Variants in FAF1 observed in about 807,000 individuals in gnomAD.
The protein encoded by FAF1 is FAS-associated factor 1.
FAF1 carries 25 observed loss-of-function variants against 92.5 expected under a neutral mutation model. The ratio of observed to expected loss-of-function variants is 0.27; its 90% CI spans 0.20 to 0.38. The LOEUF (loss-of-function observed/expected upper bound fraction) is 0.38, where lower values mean the gene tolerates loss of function less well. Among genes scored for constraint, FAF1 ranks in the 10% least tolerant of loss-of-function variants. The pLI is 1.00. For missense variants in FAF1, 636 were observed against 793.3 expected (o/e 0.80, Z 2.38); for synonymous variants, 234 against 273.2 (o/e 0.86, Z 1.42).
At position 50,681,609 on chromosome 1, in the gene FAF1, A is replaced by G. The variant is rs367843594; in HGVS notation, c.657+24177T>C. Among the ~76,000 whole-genome samples, 4 of 151,548 alleles carry G rather than the reference A, an allele frequency of 2.6e-5. No homozygotes were observed. In the East Asian group the frequency reaches 7.8e-4, roughly 30 times the overall value. On this transcript the variant is annotated intron_variant, in intron 7 of 18. Coordinates refer to ENST00000396153, the MANE Select transcript of FAF1 (RefSeq NM_007051.3). ...TGAAACCTCTGCCCCCCGAGTTCAA[A>G]TGATTCTCCTGCCTCAACCTCCCGA...
chr1:50,774,131 G>A (rs1660869256), intron 4 of FAF1, among the ~76,000 whole-genome samples: 2 of 152,128 alleles, frequency 1.3e-5, no homozygotes, highest in African/African-American at 4.8e-5. Flanking sequence ...CAGTTTGCAG[G>A]TAGACTAAAC....
intron 6 of FAF1, among the ~76,000 whole-genome samples, chr1:50,729,058 A>ATATATATATTT (rs1375923156): frequency 1.1e-4 from 8 of 70,116 alleles, no homozygotes; most frequent in East Asian, 6.3e-4. Context: ...ATATATATAT[A>ATATATATATTT]TTTTTTTTTT....
At chr1:50,959,676 G>A (rs1005999598) in intron 1 of FAF1, 91 bp downstream of exon 1, 5 of 1,124,876 alleles carry the variant, frequency 4.4e-6, no homozygotes, top group Admixed American at 3.7e-5. Context: ...ACACACCACT[G>A]CAGCGTTCAA....
intron 4 of FAF1, among the ~76,000 whole-genome samples, chr1:50,764,348 T>A (rs1262952217): frequency 6.6e-6 from 1 of 152,186 alleles, no homozygotes; most frequent in African/African-American, 2.4e-5. Context: ...GAGGAATTGT[T>A]CAGCGTACTC....
At chr1:50,811,539 A>C (rs1643912139) in intron 2 of FAF1, among the ~76,000 whole-genome samples, 1 of 152,218 alleles carries the variant, frequency 6.6e-6, no homozygotes, top group South Asian at 2.1e-4. Flanking sequence ...ATTACAAAAG[A>C]TTGCTCAAAG....
chr1:50,723,684 G>A (rs1477182436), intron 6 of FAF1, among the ~76,000 whole-genome samples: 1 of 152,026 alleles, frequency 6.6e-6, no homozygotes, highest in Non-Finnish European at 1.5e-5. Context: ...GGGTGACATG[G>A]GAGAATCACT....
chr1:50,652,859 G>A (rs1289444174), intron 8 of FAF1, among the ~76,000 whole-genome samples: 4 of 151,902 alleles, frequency 2.6e-5, no homozygotes, highest in Non-Finnish European at 4.4e-5. Flanking sequence ...TTATAATGTC[G>A]ACTCATTTAC....
intron 2 of FAF1, among the ~76,000 whole-genome samples, chr1:50,835,423 C>T (rs1644191452): frequency 6.6e-6 from 1 of 151,990 alleles, no homozygotes; most frequent in South Asian, 2.1e-4. Context: ...ATCCCCTAGT[C>T]ACTGTCTATG....
chr1:50,778,673 G>A (rs531147811), intron 4 of FAF1, among the ~76,000 whole-genome samples: 1 of 152,198 alleles, frequency 6.6e-6, no homozygotes, highest in Non-Finnish European at 1.5e-5. Flanking sequence ...AAACTGAAGA[G>A]AAGGAGGAAG....
intron 1 of FAF1, among the ~76,000 whole-genome samples, chr1:50,900,880 A>T (rs898875789): frequency 2.6e-5 from 4 of 152,100 alleles, no homozygotes; most frequent in African/African-American, 7.2e-5. Flanking sequence ...AACTATATAG[A>T]TTTCTAATAG....
Position 50,953,479 on chromosome 1 carries a change from T to C in FAF1, c.45+6288A>G, listed in dbSNP as rs1385464482. ...GCCAGACGCAGTGGCTCACAGCGCC[T>C]GTAATCCCAGCACTTTGGGAAGCCA... On this transcript the variant is annotated intron_variant, in intron 1 of 18. Coordinates refer to ENST00000396153, the MANE Select transcript of FAF1 (RefSeq NM_007051.3). Among the ~76,000 whole-genome samples, 4 of 152,166 alleles carry C rather than the reference T, an allele frequency of 2.6e-5. No homozygotes were observed. In the East Asian group the frequency reaches 5.8e-4, roughly 22 times the overall value.
chr1:50,584,381 T>C (rs945581312), intron 10 of FAF1, among the ~76,000 whole-genome samples: 5 of 152,102 alleles, frequency 3.3e-5, no homozygotes, highest in Non-Finnish European at 7.4e-5. Flanking sequence ...TCACAGAAAG[T>C]ACACCTGTTT....
intron 4 of FAF1, among the ~76,000 whole-genome samples, chr1:50,754,367 G>C (rs1159422137): frequency 6.6e-6 from 1 of 152,172 alleles, no homozygotes; most frequent in East Asian, 1.9e-4. Context: ...CCACCACTGA[G>C]GAAAGATCCT....
chr1:50,754,689 T>C (rs1660005540), intron 4 of FAF1, among the ~76,000 whole-genome samples: 1 of 152,222 alleles, frequency 6.6e-6, no homozygotes, highest in South Asian at 2.1e-4. Context: ...GCCATGTGTA[T>C]TAGTCCATTT....
intron 3 of FAF1, among the ~76,000 whole-genome samples, chr1:50,790,435 C>A (rs956572179): frequency 6.6e-6 from 1 of 152,182 alleles, no homozygotes; most frequent in Non-Finnish European, 1.5e-5. Flanking sequence ...CCACCGCACC[C>A]GGCTTTATTT....
At chr1:50,794,767 G>A (rs1220104913) in intron 3 of FAF1, among the ~76,000 whole-genome samples, 2 of 151,260 alleles carry the variant, frequency 1.3e-5, no homozygotes, top group African/African-American at 4.9e-5. Context: ...GGGATTACAG[G>A]TGCCCACCAC....
chr1:50,524,413 C>T (rs1275536751), intron 15 of FAF1, among the ~76,000 whole-genome samples: 2 of 152,146 alleles, frequency 1.3e-5, no homozygotes, highest in South Asian at 2.1e-4. Context: ...TCAATTTTTG[C>T]TTTTGTTGCT....
Position 50,550,736 on chromosome 1 carries a change from TTAAAA to T in FAF1, c.1269-11013_1269-11009del, listed in dbSNP as rs536898446. On this transcript the variant is annotated intron_variant, in intron 13 of 18. Transcript: ENST00000396153. ...GGGGATTTATATTTTAAAAAACTAT[TTAAAA>T]TAATCTGTCTTCTGCAAAACAACAG... Among the ~76,000 whole-genome samples, 274 of 152,352 alleles carry T rather than the reference TTAAAA, an allele frequency of 1.8e-3. 1 individual carries two copies. Among genetic ancestry groups the T allele is most frequent in the South Asian group, 0.012 (58 of 4,832 alleles).
chr1:50,824,465 A>G (rs1270629471), intron 2 of FAF1, among the ~76,000 whole-genome samples: 4 of 152,152 alleles, frequency 2.6e-5, no homozygotes, highest in Non-Finnish European at 4.4e-5. Context: ...CATAGCACTT[A>G]AAGTTGACTG....
Sources: gnomAD v4.1 joint callset for allele counts (sites outside exome capture counted in the v4.1 genomes callset) on GRCh38, gnomAD v4.1.1 for gene constraint, MANE v1.5 for transcripts, NCBI Gene and HGNC (gene_info 2026-07-23, HGNC 2026-07-21) for gene names.